The following BCAR1 variants were observed in gnomAD, a reference collection of about 807,000 sequenced individuals.
The protein encoded by BCAR1 is breast cancer anti-estrogen resistance protein 1.
BCAR1 carries 30 observed loss-of-function variants against 67.6 expected under a neutral mutation model. The observed-to-expected ratio is 0.44, with a 90% CI of 0.33 to 0.60. The LOEUF (loss-of-function observed/expected upper bound fraction) is 0.60. Among genes scored for constraint, BCAR1 ranks in the 20% least tolerant of loss-of-function variants. BCAR1 has a pLI of 0.02. For synonymous variants in BCAR1, 626 were observed against 556.7 expected, an observed-to-expected ratio of 1.12 and a Z score of -1.75; for missense variants, 1,313 against 1,222.3, an observed-to-expected ratio of 1.07 and a Z score of -1.11.
At chr16:75,265,424 G>T (rs2077986132) in intron 1 of BCAR1, among the ~76,000 whole-genome samples, 1 of 152,142 alleles carries the variant, frequency 6.6e-6, no homozygotes, top group African/African-American at 2.4e-5. Context: ...TCCCGGAGGG[G>T]AGTCGCGGGA....
intron 1 of BCAR1, chr16:75,263,969 C>T: frequency 8.7e-7 from 1 of 1,152,766 alleles, no homozygotes. Context: ...TGCCAGCCAG[C>T]CACGTAGGGG....
At position 75,229,400 on chromosome 16, in the gene BCAR1, G is replaced by GGGTAAAGAAAT; in HGVS notation, c.*110_*111insATTTCTTTACC. ...GGGCATCCAGGGCACCAGGACCGAC[G>GGGTAAAGAAAT]CAGAGCTGGGGTCCTGTCCCTAAGC... On this transcript the variant is annotated 3_prime_UTR_variant, in exon 7 of 7. Coordinates refer to ENST00000162330, the MANE Select transcript of BCAR1 (RefSeq NM_014567.5). The GGGTAAAGAAAT allele has an allele frequency of 7.2e-7, 1 of 1,393,910 alleles. No homozygotes were observed. The highest frequency in any genetic ancestry group is 2.5e-5 in the East Asian group (1 of 39,442). 86.3% of individuals were successfully genotyped at this position (1,393,910 alleles called of 1,614,324 possible). A position where few individuals can be genotyped will look rare whatever the true frequency, so the allele number is the denominator to read the frequency against.
At chr16:75,248,317 G>C in intron 1 of BCAR1, 16 of 1,372,052 alleles carry the variant, frequency 1.2e-5, no homozygotes, top group Non-Finnish European at 1.4e-5. Flanking sequence ...GCAGGCACTT[G>C]GGAAACACTG....
At position 75,235,667 on chromosome 16, in the gene BCAR1, G is replaced by A. The variant is rs568888027; in HGVS notation, c.1232C>T (p.Ala411Val). 6 of 1,611,182 alleles carry A rather than the reference G, an allele frequency of 3.7e-6. No individual in the cohort carries two copies. The highest frequency in any genetic ancestry group is 3.3e-5 in the Admixed American group (2 of 59,848). ...TTCACGTTCAGCTGGGGGAGGCACC[G>A]CATACACACCACTGTCGACCACGCC... Reference protein sequence around the residue: ...DGGVVDSGVYAVPPPAEREAP... With the variant: ...DGGVVDSGVYVVPPPAEREAP... Residue 411 changes from alanine (A) to valine (V), a missense_variant, in exon 5 of 7, where the codon GCG (alanine) becomes GTG (valine). Physicochemically the swap from Ala to Val is moderately conservative, Grantham distance 64. Transcript: ENST00000162330.
At chr16:75,264,508 C>T in intron 1 of BCAR1, 1 of 1,425,240 alleles carries the variant, frequency 7.0e-7, no homozygotes, top group Non-Finnish European at 9.2e-7. Context: ...CATGTTCTGT[C>T]TTCCTTCTTT....
At chr16:75,263,261 G>A in intron 1 of BCAR1, 9 of 985,422 alleles carry the variant, frequency 9.1e-6, no homozygotes, top group Non-Finnish European at 1.1e-5. Context: ...GCAGGGCTGG[G>A]GGTGGCCAGC....
upstream of BCAR1, chr16:75,256,300 TA>T (rs2077772585): frequency 1.1e-5 from 1 of 90,212 alleles, no homozygotes; most frequent in South Asian, 4.7e-4. Flanking sequence ...GCTGTTACCA[TA>T]AAGGGCTTCC....
intron 1 of BCAR1, among the ~76,000 whole-genome samples, chr16:75,243,885 G>A (rs539818483): frequency 6.6e-6 from 1 of 152,198 alleles, no homozygotes; most frequent in Non-Finnish European, 1.5e-5. Context: ...CGCCCCTGCC[G>A]CTGCTGCCCC....
intron 1 of BCAR1, among the ~76,000 whole-genome samples, chr16:75,251,231 C>G (rs900244630): frequency 2.0e-5 from 3 of 152,020 alleles, no homozygotes; most frequent in Non-Finnish European, 2.9e-5. Context: ...ACCCTCCTAC[C>G]GGCTGGCGGC....
intron 2 of BCAR1, among the ~76,000 whole-genome samples, chr16:75,241,917 A>C (rs762268856): frequency 2.6e-4 from 39 of 152,182 alleles, no homozygotes; most frequent in Non-Finnish European, 5.4e-4. Flanking sequence ...GGAGGCTCTC[A>C]GGGCAGTCCT....
chr16:75,243,704 C>T (rs1218767165), intron 1 of BCAR1, among the ~76,000 whole-genome samples: 2 of 152,182 alleles, frequency 1.3e-5, no homozygotes, highest in East Asian at 1.9e-4. Context: ...CTTGCAGAGC[C>T]GGGTACGTGC....
At chr16:75,266,579 T>G (rs2078012427) in intron 1 of BCAR1, 6 of 543,134 alleles carry the variant, frequency 1.1e-5, no homozygotes, top group Non-Finnish European at 1.7e-5. Context: ...CTGTTTCGCA[T>G]CTACCATGGT....
intron 1 of BCAR1, chr16:75,246,143 T>A (rs555723483): frequency 2.0e-5 from 3 of 152,006 alleles, no homozygotes; most frequent in South Asian, 4.2e-4. Context: ...CACGCCCAGC[T>A]AATTTTGTGT....
At position 75,266,030 on chromosome 16, in the gene BCAR1, C is replaced by CA. The variant is rs1428372168; in HGVS notation, c.66+1884dup. ...CATGCGCCGCCCGCGCCGCCCCCCC[C>CA]ACCGTCTCCGCGGCCAGGGACGCGT... On this transcript the variant is annotated intron_variant, in intron 1 of 6. Coordinates refer to the BCAR1 transcript ENST00000393422. 2.2e-5 allele frequency: 23 copies of CA among 1,028,656 alleles called. No homozygotes were observed. In the Admixed American group the frequency reaches 4.5e-4, roughly 20 times the overall value. 63.7% of individuals were successfully genotyped at this position (1,028,656 alleles called of 1,614,324 possible). A position where few individuals can be genotyped will look rare whatever the true frequency, so the allele number is the denominator to read the frequency against.
chr16:75,264,487 G>T, intron 1 of BCAR1: 1 of 1,453,402 alleles, frequency 6.9e-7, no homozygotes, highest in Non-Finnish European at 9.1e-7. Flanking sequence ...AGAGAGGAAG[G>T]GCTTGGCAGG....
intron 2 of BCAR1, 121 bp downstream of exon 2, chr16:75,242,349 A>G (rs1423850706): frequency 1.4e-5 from 18 of 1,299,774 alleles, no homozygotes; most frequent in Non-Finnish European, 1.8e-5. Context: ...TTGACCCCAG[A>G]CCAAACACAC....
intron 2 of BCAR1, among the ~76,000 whole-genome samples, chr16:75,239,288 A>G (rs2151425676): frequency 6.6e-6 from 1 of 152,246 alleles, no homozygotes; most frequent in East Asian, 1.9e-4. Flanking sequence ...GAACAGAGGC[A>G]CAGTCACTGA....
chr16:75,238,410 C>T, intron 2 of BCAR1: 1 of 1,063,818 alleles, frequency 9.4e-7, no homozygotes, highest in Non-Finnish European at 1.1e-6. Context: ...GGCCTCCCCG[C>T]ACATCCCCCA....
Position 75,235,025 on chromosome 16 carries a change from G to A in BCAR1, c.1874C>T (p.Pro625Leu), listed in dbSNP as rs61736821. ...CTGGATGCTGCTGGTCTTGTCAGTG[G>A]GGTTGGGGTGCAGGGTGCCACCCCC... ...PEGGGTLHPN[P>L]TDKTSSIQSR... Residue 625 changes from proline (P) to leucine (L), a missense_variant, in exon 5 of 7, where the codon CCC becomes CTC. By Grantham distance (98) the Pro-to-Leu change is moderately conservative. Coordinates refer to ENST00000162330, the MANE Select transcript of BCAR1 (RefSeq NM_014567.5). The A allele has an allele frequency of 2.4e-3, 3,826 of 1,613,290 alleles. 8 individuals carry two copies. The highest frequency in any genetic ancestry group is 2.6e-3 in the Non-Finnish European group (3,035 of 1,179,952).
Sources: gnomAD v4.1 joint callset for allele counts (sites outside exome capture counted in the v4.1 genomes callset) on GRCh38, gnomAD v4.1.1 for gene constraint, MANE v1.5 for transcripts, NCBI Gene and HGNC (gene_info 2026-07-23, HGNC 2026-07-21) for gene names.